Variants in UIMC1 observed in about 807,000 individuals in gnomAD.
UIMC1 encodes ubiquitin interaction motif containing 1.
A neutral mutation model predicts 84.9 loss-of-function variants in UIMC1; 42 were observed. That is an observed-to-expected ratio of 0.49 (90% CI 0.39 to 0.64). The LOEUF is 0.64. Among genes scored for constraint, UIMC1 ranks in the 30% least tolerant of loss-of-function variants. UIMC1 has a pLI of 0.00. For missense variants in UIMC1, 825 were observed against 847.6 expected, an observed-to-expected ratio of 0.97 and a Z score of 0.33; for synonymous variants, 281 against 293.0, an observed-to-expected ratio of 0.96 and a Z score of 0.42.
At chr5:176,960,095 TTA>T (rs1224583463) in intron 6 of UIMC1, among the ~76,000 whole-genome samples, 2 of 152,236 alleles carry the variant, frequency 1.3e-5, no homozygotes, top group African/African-American at 4.8e-5. Context: ...TTTACATTCC[TTA>T]TCTCCTTTAA....
intron 1 of UIMC1, among the ~76,000 whole-genome samples, chr5:176,984,344 G>GGGA (rs1771611198): frequency 7.5e-6 from 1 of 132,762 alleles, no homozygotes; most frequent in Non-Finnish European, 1.6e-5. Flanking sequence ...CGCCCCGTCT[G>GGGA]GGAAGTGAGG....
At chr5:176,916,228 A>G (rs1361220475) in intron 10 of UIMC1, among the ~76,000 whole-genome samples, 1 of 152,234 alleles carries the variant, frequency 6.6e-6, no homozygotes, top group Non-Finnish European at 1.5e-5. Flanking sequence ...TGCTGATGAC[A>G]GCAGCCACAG....
intron 8 of UIMC1, among the ~76,000 whole-genome samples, chr5:176,955,303 A>C (rs527505639): frequency 1.3e-5 from 2 of 152,364 alleles, no homozygotes; most frequent in East Asian, 1.9e-4. Context: ...AACAAAAAGC[A>C]AACTAAAGCA....
In UIMC1 at chr5:176,968,764, G is replaced by T. The variant is rs1435497656; in HGVS notation, c.991C>A (p.Leu331Met). The T allele has an allele frequency of 1.2e-6, 2 of 1,614,146 alleles. No individual in the cohort carries two copies. Among genetic ancestry groups the T allele is most frequent in the East Asian group, 2.2e-5 (1 of 44,882 alleles). ...GEPVLPRPPS[L>M]IQNECGQGEQ... ...CCTTGGCCACATTCATTCTGGATCAGAGAAGGAGGTCTAGGTAACACTGGT... is the reference window on the plus strand; with the variant it reads ...CCTTGGCCACATTCATTCTGGATCATAGAAGGAGGTCTAGGTAACACTGGT... Residue 331 changes from leucine (L) to methionine (M), a missense_variant, in exon 6 of 15, where the codon CTG becomes ATG. Transcript: ENST00000511320.
intron 2 of UIMC1, among the ~76,000 whole-genome samples, chr5:176,979,589 C>A (rs993014317): frequency 6.8e-6 from 1 of 146,694 alleles, no homozygotes; most frequent in Non-Finnish European, 1.5e-5. Flanking sequence ...GGCAACAAAG[C>A]GAGACTTCAT....
At chr5:176,938,933 A>G (rs887692760) in intron 10 of UIMC1, among the ~76,000 whole-genome samples, 3 of 152,052 alleles carry the variant, frequency 2.0e-5, no homozygotes, top group African/African-American at 7.2e-5. Context: ...AGTAAGCTTC[A>G]TAAGGCCTAG....
At chr5:176,966,444 A>G (rs1273053963) in intron 6 of UIMC1, among the ~76,000 whole-genome samples, 2 of 152,226 alleles carry the variant, frequency 1.3e-5, no homozygotes, top group East Asian at 3.8e-4. Flanking sequence ...CAAAGTTACC[A>G]TTTCTTGAAC....
At chr5:176,935,749 G>C (rs750957031) in intron 10 of UIMC1, among the ~76,000 whole-genome samples, 1 of 152,152 alleles carries the variant, frequency 6.6e-6, no homozygotes, top group Non-Finnish European at 1.5e-5. Flanking sequence ...GTTTTACTTA[G>C]AGATACTGAG....
In UIMC1 at chr5:176,961,053, C is replaced by T. The variant is rs1343833561; in HGVS notation, c.1201-2899G>A. 1.3e-4 allele frequency among the ~76,000 whole-genome samples: 8 copies of T among 62,678 alleles called. 2 individuals are homozygous for T. The highest frequency in any genetic ancestry group is 2.3e-4 in the Non-Finnish European group (8 of 35,254). 41.1% of individuals were successfully genotyped at this position (62,678 alleles called of 152,430 possible). On this transcript the variant is annotated intron_variant, in intron 6 of 14. Coordinates refer to ENST00000511320, the MANE Select transcript of UIMC1 (RefSeq NM_001199298.2). Reference sequence around the variant, plus strand: ...ATTGCAGCCTCTGCCCGGCCGCCACCCCGTCTGGGAAGTGAGGAGTGTCTC... The same window carrying T: ...ATTGCAGCCTCTGCCCGGCCGCCACTCCGTCTGGGAAGTGAGGAGTGTCTC...
intron 4 of UIMC1, 52 bp downstream of exon 4, chr5:176,970,690 C>T: frequency 2.5e-6 from 4 of 1,612,872 alleles, no homozygotes; most frequent in Non-Finnish European, 2.5e-6. Context: ...CCACAGAAGT[C>T]AAAAATATAG....
At chr5:176,969,523 T>C in intron 5 of UIMC1, 78 bp downstream of exon 5, 1 of 1,452,876 alleles carries the variant, frequency 6.9e-7, no homozygotes, top group Non-Finnish European at 9.5e-7. Context: ...GGTATTTCCG[T>C]GTATCTACTC....
At chr5:176,978,302 GGCGGA>G (rs1259404534) in intron 2 of UIMC1, among the ~76,000 whole-genome samples, 4 of 151,846 alleles carry the variant, frequency 2.6e-5, no homozygotes, top group African/African-American at 9.7e-5. Context: ...AAACCCAGGA[GGCGGA>G]GCTTGCAGTG....
At chr5:177,005,218 C>T (rs1775087624) in intron 1 of UIMC1, among the ~76,000 whole-genome samples, 1 of 151,990 alleles carries the variant, frequency 6.6e-6, no homozygotes, top group Non-Finnish European at 1.5e-5. Flanking sequence ...AGACTATAGG[C>T]AGGCGCCACC....
At chr5:176,908,260 T>C (rs190941509) in intron 12 of UIMC1, among the ~76,000 whole-genome samples, 1 of 152,348 alleles carries the variant, frequency 6.6e-6, no homozygotes, top group Non-Finnish European at 1.5e-5. Context: ...CATTAAAGGT[T>C]ATCATCTTTG....
At chr5:176,944,208 T>C (rs1764805955) in intron 9 of UIMC1, among the ~76,000 whole-genome samples, 1 of 152,234 alleles carries the variant, frequency 6.6e-6, no homozygotes, top group African/African-American at 2.4e-5. Context: ...ACCTGTGTTT[T>C]ATTTGTGACT....
intron 1 of UIMC1, among the ~76,000 whole-genome samples, chr5:176,993,652 A>G (rs1455104899): frequency 6.6e-6 from 1 of 152,160 alleles, no homozygotes; most frequent in African/African-American, 2.4e-5. Flanking sequence ...CAACCACAAC[A>G]TATGTATATT....
chr5:176,923,289 G>A (rs1168608737), intron 10 of UIMC1, among the ~76,000 whole-genome samples: 1 of 152,094 alleles, frequency 6.6e-6, no homozygotes, highest in Non-Finnish European at 1.5e-5. Context: ...TAAAAACACA[G>A]ATCAGTTAAA....
chr5:176,907,248 ATCACACGTGT>A lies in UIMC1; in HGVS notation c.1849-81_1849-72del, dbSNP rs1246272845. ...CTAAAATACAACTTCCACAGCCCAGATCACACGTGTTCATAGAAGAGAAAAGGTGTGGGGG... is the reference window on the plus strand; with the variant it reads ...CTAAAATACAACTTCCACAGCCCAGATCATAGAAGAGAAAAGGTGTGGGGG... On this transcript the variant is annotated intron_variant, in intron 12 of 14. Transcript: ENST00000511320. 3.5e-5 allele frequency: 50 copies of A among 1,409,810 alleles called. No individual in the cohort carries two copies. In the African/African-American group the frequency reaches 5.7e-4, roughly 16 times the overall value. The allele number at this position is 1,409,810 out of a possible 1,614,324, so 87.3% of individuals were successfully genotyped here.
chr5:176,970,425 G>C, intron 4 of UIMC1: 1 of 377,506 alleles, frequency 2.6e-6, no homozygotes, highest in South Asian at 2.4e-5. Flanking sequence ...AGAGAAGTTA[G>C]CATCTTATCT....
Sources: allele counts gnomAD v4.1 joint callset (sites outside exome capture counted in the v4.1 genomes callset), GRCh38; gene constraint gnomAD v4.1.1; transcripts MANE v1.5; gene names NCBI Gene and HGNC (gene_info 2026-07-23, HGNC 2026-07-21).